The following ALDH6A1 variants were observed in gnomAD, a reference collection of about 807,000 sequenced individuals.
The protein encoded by ALDH6A1 is methylmalonate-semialdehyde/malonate-semialdehyde dehydrogenase [acylating], mitochondrial.
Under a neutral mutation model 62.6 loss-of-function variants are expected in ALDH6A1, and 43 were observed. That is an observed-to-expected ratio of 0.69 (90% CI 0.54 to 0.89). ALDH6A1 has a LOEUF of 0.89. Among genes scored for constraint, ALDH6A1 ranks in the 40% least tolerant of loss-of-function variants. ALDH6A1 has a pLI of 0.00. For missense variants in ALDH6A1, 551 were observed against 661.3 expected, an observed-to-expected ratio of 0.83 and a Z score of 1.83; for synonymous variants, 194 against 234.2, an observed-to-expected ratio of 0.83 and a Z score of 1.57.
chr14:74,076,098 T>TA (rs1403105821), intron 1 of ALDH6A1, among the ~76,000 whole-genome samples: 1 of 152,212 alleles, frequency 6.6e-6, no homozygotes, highest in African/African-American at 2.4e-5. Context: ...GTGATGGACA[T>TA]ATGTTCATTA....
Position 74,069,850 on chromosome 14 carries a change from C to CTTTT in ALDH6A1, c.731-873_731-870dup, listed in dbSNP as rs779619553. On this transcript the variant is annotated intron_variant, in intron 6 of 11. Coordinates refer to ENST00000553458, the MANE Select transcript of ALDH6A1 (RefSeq NM_005589.4). ...CCAGAATTTCTACTTCTAATCTAAC[C>CTTTT]TTTTTTTTTTTTTTTTTTTGAGACA... 5.9e-4 allele frequency among the ~76,000 whole-genome samples: 72 copies of CTTTT among 122,516 alleles called. 2 individuals carry two copies. Among genetic ancestry groups the CTTTT allele is most frequent in the African/African-American group, 1.5e-3 (44 of 30,270 alleles). The allele number at this position is 122,516 out of a possible 152,430, so 80.4% of individuals were successfully genotyped here.
At chr14:74,078,483 A>G (rs1359723161) in intron 1 of ALDH6A1, 2 of 258,484 alleles carry the variant, frequency 7.7e-6, no homozygotes, top group East Asian at 2.3e-4. Flanking sequence ...CCTCCCAAAT[A>G]GCTGAGACCA....
intron 6 of ALDH6A1, among the ~76,000 whole-genome samples, chr14:74,069,416 C>T (rs2060518423): frequency 6.6e-6 from 1 of 151,676 alleles, no homozygotes; most frequent in Admixed American, 6.6e-5. Flanking sequence ...TTTTTCTGTA[C>T]TGGATTCTCA....
chr14:74,063,386 T>A (rs1480262354), intron 11 of ALDH6A1, among the ~76,000 whole-genome samples: 1 of 151,696 alleles, frequency 6.6e-6, no homozygotes, highest in East Asian at 2.0e-4. Context: ...GGTTTTGCCA[T>A]GTTGGCCAGA....
Position 74,059,825 on chromosome 14 carries a change from C to A in ALDH6A1, c.*817G>T, listed in dbSNP as rs1223591873. 6.5e-6 allele frequency: 1 copy of A among 154,696 alleles called. No individual in the cohort carries two copies. The highest frequency in any genetic ancestry group is 2.4e-5 in the African/African-American group (1 of 41,462). 9.6% of individuals were successfully genotyped at this position (154,696 alleles called of 1,614,324 possible). On this transcript the variant is annotated 3_prime_UTR_variant, in exon 12 of 12. Transcript: ENST00000553458. ...AAAAAGTTGATTTATCCATTGCTTA[C>A]TGAGGTATCCTTGAGAAGTGATCTT...
intron 1 of ALDH6A1, among the ~76,000 whole-genome samples, chr14:74,079,828 C>G (rs1399718989): frequency 6.6e-6 from 1 of 152,112 alleles, no homozygotes; most frequent in African/African-American, 2.4e-5. Flanking sequence ...CTTGGCCTCC[C>G]AAAGTTCTGG....
At chr14:74,071,587 T>C (rs987266169) in intron 5 of ALDH6A1, 90 bp from the exon 6 acceptor site, 15 of 1,606,800 alleles carry the variant, frequency 9.3e-6, no homozygotes, top group African/African-American at 1.3e-5. Context: ...CAGGAAGTGG[T>C]TCAGGCCAAT....
At chr14:74,073,509 G>A (rs949780965) in intron 2 of ALDH6A1, among the ~76,000 whole-genome samples, 4 of 152,140 alleles carry the variant, frequency 2.6e-5, no homozygotes, top group Non-Finnish European at 5.9e-5. Flanking sequence ...GTAGAAACAC[G>A]ATATTATGAA....
At chr14:74,070,442 C>T (rs1281906171) in intron 6 of ALDH6A1, among the ~76,000 whole-genome samples, 1 of 152,084 alleles carries the variant, frequency 6.6e-6, no homozygotes, top group African/African-American at 2.4e-5. Context: ...TTGCTTGAAC[C>T]TGGGAGGCAG....
At chr14:74,061,094 C>T (rs1856357853) in intron 11 of ALDH6A1, among the ~76,000 whole-genome samples, 1 of 151,762 alleles carries the variant, frequency 6.6e-6, no homozygotes, top group South Asian at 2.1e-4. Flanking sequence ...TCTCCTGCCT[C>T]AGCCTCTCGA....
At chr14:74,068,388 G>A (rs995950093) in intron 7 of ALDH6A1, among the ~76,000 whole-genome samples, 2 of 150,606 alleles carry the variant, frequency 1.3e-5, no homozygotes, top group Admixed American at 1.3e-4. Flanking sequence ...CAAAAAAAAA[G>A]AAAAAAAGTG....
chr14:74,071,477 T>A lies in ALDH6A1; in HGVS notation c.448A>T (p.Ser150Cys). 6.2e-7 allele frequency: 1 copy of A among 1,614,072 alleles called. No individual in the cohort carries two copies. Among genetic ancestry groups the A allele is most frequent in the Non-Finnish European group, 8.5e-7 (1 of 1,180,034 alleles). The change falls in exon 6 of 12, where the codon AGT becomes TGT. Residue 150 changes from serine (S) to cysteine (C), a missense_variant. Physicochemically the swap from Ser to Cys is moderately radical, Grantham distance 112 (BLOSUM62 -1). Coordinates refer to ENST00000553458, the MANE Select transcript of ALDH6A1 (RefSeq NM_005589.4). ...RGLQVVEHAC[S>C]VTSLMMGETM... is the part of the protein sequence containing the mutation. ...TCTCCCATCATGAGGGATGTCACAC[T>A]ACAGGCATGCTCAACCACCTCTGGA...
chr14:74,081,746 T>G (rs993859875), intron 1 of ALDH6A1, among the ~76,000 whole-genome samples: 1 of 152,222 alleles, frequency 6.6e-6, no homozygotes. Context: ...TGTTTATCAC[T>G]TATTGCAGTA....
In ALDH6A1 at chr14:74,057,488, T is replaced by C; in HGVS notation, c.*3154A>G. 7.1e-7 allele frequency: 1 copy of C among 1,415,676 alleles called. No homozygotes were observed. Among genetic ancestry groups the C allele is most frequent in the Non-Finnish European group, 9.2e-7 (1 of 1,085,714 alleles). 87.7% of individuals were successfully genotyped at this position (1,415,676 alleles called of 1,614,324 possible). On this transcript the variant is annotated 3_prime_UTR_variant, in exon 12 of 12. Coordinates refer to ENST00000553458, the MANE Select transcript of ALDH6A1 (RefSeq NM_005589.4). ...GTGCCTCTTTTTGTGTAGAAACCTA[T>C]AGGTTGCCTTTTGAAGTAAACAGCC...
intron 3 of ALDH6A1, 67 bp from the exon 4 acceptor site, chr14:74,072,431 G>T: frequency 6.2e-7 from 1 of 1,613,604 alleles, no homozygotes; most frequent in Non-Finnish European, 8.5e-7. Context: ...TCCAGTCACA[G>T]AAGTGGCACT....
chr14:74,072,716 G>A (rs981264314), intron 2 of ALDH6A1, 105 bp from the exon 3 acceptor site: 3 of 1,263,470 alleles, frequency 2.4e-6, no homozygotes, highest in Non-Finnish European at 2.2e-6. Flanking sequence ...AAGAAAACAA[G>A]TTGATAACGG....
chr14:74,057,408 A>G lies in ALDH6A1; in HGVS notation c.*3234T>C. On this transcript the variant is annotated 3_prime_UTR_variant, in exon 12 of 12. Coordinates refer to ENST00000553458, the MANE Select transcript of ALDH6A1 (RefSeq NM_005589.4). ...TAAATAGCATTAGTAGATTACATAA[A>G]TTTTTAAAGCAATATCCGTACAAAT... is the stretch of plus-strand genomic sequence containing the variant. The G allele has an allele frequency of 1.3e-6, 2 of 1,528,736 alleles. No homozygotes were observed. The highest frequency in any genetic ancestry group is 2.5e-5 in the East Asian group (1 of 40,738). The allele number at this position is 1,528,736 out of a possible 1,614,324, so 94.7% of individuals were successfully genotyped here. A position where few individuals can be genotyped will look rare whatever the true frequency, so the allele number is the denominator to read the frequency against.
chr14:74,072,131 A>G, intron 4 of ALDH6A1, 72 bp downstream of exon 4: 2 of 1,610,140 alleles, frequency 1.2e-6, no homozygotes, highest in Non-Finnish European at 1.7e-6. Flanking sequence ...GGGTGGCTGA[A>G]AAGGTCTCTG....
At chr14:74,082,395 T>G (rs894240695) in intron 1 of ALDH6A1, among the ~76,000 whole-genome samples, 10 of 75,624 alleles carry the variant, frequency 1.3e-4, no homozygotes, top group Non-Finnish European at 9.2e-5. Context: ...AAATCGAGGT[T>G]TTTTTTTTTT....
Sources: allele counts gnomAD v4.1 joint callset (sites outside exome capture counted in the v4.1 genomes callset), GRCh38; gene constraint gnomAD v4.1.1; transcripts MANE v1.5; gene names NCBI Gene and HGNC (gene_info 2026-07-23, HGNC 2026-07-21).